Variants in ITGBL1 observed in about 807,000 individuals in gnomAD.
ITGBL1 encodes integrin subunit beta like 1, also known as integrin beta-like protein 1.
Under a neutral mutation model 68.5 loss-of-function variants are expected in ITGBL1, and 51 were observed. The observed-to-expected ratio is 0.74, with a 90% CI of 0.59 to 0.94. ITGBL1 has a LOEUF of 0.94. Among genes scored for constraint, ITGBL1 ranks in the 40% least tolerant of loss-of-function variants. ITGBL1 has a pLI of 0.00. For synonymous variants in ITGBL1, 209 were observed against 227.3 expected (o/e 0.92, Z 0.72); for missense variants, 649 against 647.4 (o/e 1.00, Z -0.03).
chr13:101,703,275 C>T (rs771066225), intron 8 of ITGBL1, among the ~76,000 whole-genome samples: 13 of 152,016 alleles, frequency 8.6e-5, no homozygotes, highest in Non-Finnish European at 1.5e-4. Flanking sequence ...TCGCTTTTTG[C>T]TGAGCTTTGA....
intron 8 of ITGBL1, among the ~76,000 whole-genome samples, chr13:101,703,474 C>G (rs760991918): frequency 1.8e-4 from 28 of 152,146 alleles, no homozygotes; most frequent in Non-Finnish European, 4.0e-4. Flanking sequence ...ATAACAAAGG[C>G]TAGAGTAGGT....
At position 101,692,542 on chromosome 13, in the gene ITGBL1, C is replaced by T. The variant is rs751088204; in HGVS notation, c.1016-43C>T. On this transcript the variant is annotated intron_variant, in intron 7 of 10. Coordinates refer to ENST00000376180, the MANE Select transcript of ITGBL1 (RefSeq NM_004791.3). ...ACCTCCTTGAAAGCCTTAGTGATTCCGGGACTCTCCTCATAAGTGTGCACT... is the reference window on the plus strand; with the variant it reads ...ACCTCCTTGAAAGCCTTAGTGATTCTGGGACTCTCCTCATAAGTGTGCACT... 70 of 1,330,718 alleles carry T rather than the reference C, an allele frequency of 5.3e-5. 1 individual carries two copies. Among genetic ancestry groups the T allele is most frequent in the East Asian group, 2.1e-4 (9 of 43,572 alleles). The allele number at this position is 1,330,718 out of a possible 1,614,324, so 82.4% of individuals were successfully genotyped here.
intron 7 of ITGBL1, among the ~76,000 whole-genome samples, chr13:101,669,432 C>T (rs1270042676): frequency 3.3e-5 from 5 of 151,934 alleles, no homozygotes; most frequent in Admixed American, 6.6e-5. Flanking sequence ...TTAATCAAGT[C>T]GTAAAAGGTC....
At chr13:101,699,311 T>G (rs1319105119) in intron 8 of ITGBL1, among the ~76,000 whole-genome samples, 1 of 152,216 alleles carries the variant, frequency 6.6e-6, no homozygotes, top group Non-Finnish European at 1.5e-5. Context: ...CACCACAGTG[T>G]CCCTGAACCC....
intron 7 of ITGBL1, among the ~76,000 whole-genome samples, chr13:101,605,826 G>C (rs1476148928): frequency 1.3e-5 from 2 of 150,474 alleles, no homozygotes; most frequent in Non-Finnish European, 3.0e-5. Context: ...ATGTGCATAT[G>C]TGTATATATA....
In ITGBL1 at chr13:101,579,306, T is replaced by TG; in HGVS notation, c.608dup (p.Asn204LysfsTer12). On this transcript the variant is annotated frameshift_variant, in exon 5 of 11. Transcript: ENST00000376180. LOFTEE classifies it high-confidence loss of function. Reference sequence around the variant, plus strand: ...GTAAAGGCCATGGGAAGTGTTACTGTGGAAACTGCTACTGCAAGGCTGGTT... The same window carrying TG: ...GTAAAGGCCATGGGAAGTGTTACTGTGGGAAACTGCTACTGCAAGGCTGGTT... The TG allele has an allele frequency of 6.2e-7, 1 of 1,613,864 alleles. No individual in the cohort carries two copies. Among genetic ancestry groups the TG allele is most frequent in the Non-Finnish European group, 8.5e-7 (1 of 1,179,818 alleles).
At chr13:101,589,595 A>G (rs1403055005) in intron 6 of ITGBL1, among the ~76,000 whole-genome samples, 1 of 152,152 alleles carries the variant, frequency 6.6e-6, no homozygotes, top group Non-Finnish European at 1.5e-5. Flanking sequence ...GAACTAAACA[A>G]TGTTCTCCCA....
chr13:101,535,554 A>G (rs2049559170), intron 2 of ITGBL1, among the ~76,000 whole-genome samples: 1 of 152,090 alleles, frequency 6.6e-6, no homozygotes. Flanking sequence ...ATCTAGGCTG[A>G]CTCAGAGCTT....
intron 2 of ITGBL1, among the ~76,000 whole-genome samples, chr13:101,503,720 C>T (rs1343430831): frequency 6.6e-6 from 1 of 152,172 alleles, no homozygotes; most frequent in Non-Finnish European, 1.5e-5. Flanking sequence ...AGGGAATAAT[C>T]TTCCTTCAGT....
chr13:101,633,184 A>G (rs764315073), intron 7 of ITGBL1, among the ~76,000 whole-genome samples: 4 of 152,180 alleles, frequency 2.6e-5, no homozygotes, highest in African/African-American at 4.8e-5. Flanking sequence ...GGCATATCAC[A>G]GTTGGGACCA....
chr13:101,456,042 A>G (rs1311248558), intron 2 of ITGBL1, among the ~76,000 whole-genome samples: 11 of 152,096 alleles, frequency 7.2e-5, no homozygotes, highest in Non-Finnish European at 2.9e-5. Context: ...GGTAGACAGC[A>G]TTCCTTTTTC....
intron 9 of ITGBL1, chr13:101,714,173 C>T: frequency 2.4e-6 from 1 of 416,156 alleles, no homozygotes; most frequent in Non-Finnish European, 4.3e-6. Flanking sequence ...ATCCTGCTCT[C>T]ATTGACATTT....
chr13:101,712,683 C>T (rs1187508808), intron 9 of ITGBL1: 1 of 152,180 alleles, frequency 6.6e-6, no homozygotes, highest in African/African-American at 2.4e-5. Flanking sequence ...GAGGAAACTT[C>T]TCTGATAGTC....
intron 8 of ITGBL1, among the ~76,000 whole-genome samples, chr13:101,693,485 G>A (rs532302502): frequency 1.3e-4 from 20 of 152,280 alleles, no homozygotes; most frequent in African/African-American, 4.6e-4. Flanking sequence ...GGGATGCATA[G>A]GTAGGCTTGT....
intron 2 of ITGBL1, among the ~76,000 whole-genome samples, chr13:101,556,495 G>A (rs911587200): frequency 1.3e-5 from 2 of 151,974 alleles, no homozygotes; most frequent in Admixed American, 1.3e-4. Context: ...AATAGCCAGG[G>A]GTGGTGGCAC....
At chr13:101,582,996 C>T (rs548407613) in intron 5 of ITGBL1, among the ~76,000 whole-genome samples, 1 of 152,172 alleles carries the variant, frequency 6.6e-6, no homozygotes, top group Non-Finnish European at 1.5e-5. Context: ...TGACACATTC[C>T]ACCAACTCAC....
intron 9 of ITGBL1, among the ~76,000 whole-genome samples, chr13:101,710,051 A>G (rs1215178266): frequency 6.6e-6 from 1 of 152,236 alleles, no homozygotes; most frequent in Admixed American, 6.5e-5. Flanking sequence ...ACAAAACAAA[A>G]CAAAGCCAAA....
chr13:101,633,156 G>A (rs2032044083), intron 7 of ITGBL1, among the ~76,000 whole-genome samples: 1 of 152,192 alleles, frequency 6.6e-6, no homozygotes, highest in Non-Finnish European at 1.5e-5. Flanking sequence ...TCAGAGCGTG[G>A]TGAAGCCTGC....
At chr13:101,643,039 C>CT (rs1188141536) in intron 7 of ITGBL1, among the ~76,000 whole-genome samples, 164 of 138,044 alleles carry the variant, frequency 1.2e-3, no homozygotes, top group African/African-American at 1.8e-3. Flanking sequence ...ATTGACTTGG[C>CT]GATGTGGGCT....
Sources: gnomAD v4.1 joint callset for allele counts (sites outside exome capture counted in the v4.1 genomes callset) on GRCh38, gnomAD v4.1.1 for gene constraint, MANE v1.5 for transcripts, NCBI Gene and HGNC (gene_info 2026-07-23, HGNC 2026-07-21) for gene names.